Variants in OLFM4 observed in about 807,000 individuals in gnomAD.
The protein encoded by OLFM4 is olfactomedin 4, also known as olfactomedin-4.
A neutral mutation model predicts 25.5 loss-of-function variants in OLFM4; 22 were observed. The ratio of observed to expected loss-of-function variants is 0.86; its 90% CI spans 0.62 to 1.23. The LOEUF is 1.23. Ranked by LOEUF, OLFM4 falls within the 50% of genes most tolerant of loss-of-function variation. The probability of loss-of-function intolerance (pLI) is 0.00; values close to 1 mark genes in which losing one functional copy is unlikely to be tolerated. For missense variants in OLFM4, 594 were observed against 619.4 expected (o/e 0.96, Z 0.44); for synonymous variants, 255 against 237.7 (o/e 1.07, Z -0.67).
chr13:53,046,077 G>A (rs1014494389), intron 4 of OLFM4, among the ~76,000 whole-genome samples: 3 of 152,138 alleles, frequency 2.0e-5, no homozygotes, highest in Admixed American at 6.6e-5. Flanking sequence ...TTAGGGAAGA[G>A]CCACATGTTG....
In OLFM4 at chr13:53,041,988, A is replaced by G. The variant is rs1405858486; in HGVS notation, c.436A>G (p.Lys146Glu). The G allele has an allele frequency of 6.2e-7, 1 of 1,614,002 alleles. No individual in the cohort carries two copies. The highest frequency in any genetic ancestry group is 8.5e-7 in the Non-Finnish European group (1 of 1,179,900). ...NLTVRIDIME[K>E]DTISYTELDF... ...AACTGTCCGAATTGACATCATGGAGAAGGATACCATTTCTTACACTGAACT... is the reference window on the plus strand; with the variant it reads ...AACTGTCCGAATTGACATCATGGAGGAGGATACCATTTCTTACACTGAACT... Residue 146 changes from lysine (K) to glutamate (E), a missense_variant, in exon 3 of 5, where the codon AAG becomes GAG. By Grantham distance (56) the Lys-to-Glu change is moderately conservative (BLOSUM62 1). Coordinates refer to ENST00000219022, the MANE Select transcript of OLFM4 (RefSeq NM_006418.5).
At chr13:53,042,412 G>A (rs1021833300) in intron 3 of OLFM4, among the ~76,000 whole-genome samples, 2 of 152,188 alleles carry the variant, frequency 1.3e-5, no homozygotes, top group Non-Finnish European at 2.9e-5. Context: ...CTGGCATAAA[G>A]TTGAACAACG....
chr13:53,042,697 G>T (rs1216778934), intron 3 of OLFM4, among the ~76,000 whole-genome samples: 2 of 152,078 alleles, frequency 1.3e-5, no homozygotes. Flanking sequence ...TCATGACATG[G>T]GCTATAATTG....
rs376088620 is a variant in OLFM4, at chr13:53,042,137, C to T, written c.570+15C>T. ...TGGAGGTGGAGGTAAGGAGTGAACTCACTTCTTGGTAAATTAATAATAAAC... is the reference window on the plus strand; with the variant it reads ...TGGAGGTGGAGGTAAGGAGTGAACTTACTTCTTGGTAAATTAATAATAAAC... On this transcript the variant is annotated intron_variant, in intron 3 of 4. Coordinates refer to ENST00000219022, the MANE Select transcript of OLFM4 (RefSeq NM_006418.5). 3 of 1,609,024 alleles carry T rather than the reference C, an allele frequency of 1.9e-6. No homozygotes were observed. Among genetic ancestry groups the T allele is most frequent in the Non-Finnish European group, 1.7e-6 (2 of 1,175,954 alleles).
intron 4 of OLFM4, among the ~76,000 whole-genome samples, chr13:53,044,408 A>C (rs1051260979): frequency 1.3e-5 from 2 of 152,108 alleles, no homozygotes; most frequent in Non-Finnish European, 2.9e-5. Context: ...CAATCCTTTT[A>C]TTTTTATGAA....
rs760307301 is a variant in OLFM4, at chr13:53,042,040, T to C, written c.488T>C (p.Val163Ala). The C allele has an allele frequency of 1.9e-6, 3 of 1,614,012 alleles. No individual in the cohort carries two copies. Among genetic ancestry groups the C allele is most frequent in the South Asian group, 2.2e-5 (2 of 91,076 alleles). The change falls in exon 3 of 5, where the codon GTG (valine) becomes GCG (alanine). Residue 163 changes from valine (V) to alanine (A), a missense_variant. Coordinates refer to ENST00000219022, the MANE Select transcript of OLFM4 (RefSeq NM_006418.5). ...ELDFELIKVE[V>A]KEMEKLVIQL... ...GACTTCGAGCTGATCAAGGTAGAAGTGAAGGAGATGGAAAAACTGGTCATA... is the reference window on the plus strand; with the variant it reads ...GACTTCGAGCTGATCAAGGTAGAAGCGAAGGAGATGGAAAAACTGGTCATA...
At chr13:53,049,331 T>C (rs1954732119) in intron 4 of OLFM4, among the ~76,000 whole-genome samples, 1 of 152,164 alleles carries the variant, frequency 6.6e-6, no homozygotes, top group African/African-American at 2.4e-5. Flanking sequence ...TATAGGACCA[T>C]CTTTCTGGAT....
chr13:53,046,658 A>G (rs1033447888), intron 4 of OLFM4, among the ~76,000 whole-genome samples: 4 of 152,242 alleles, frequency 2.6e-5, no homozygotes, highest in Admixed American at 2.6e-4. Flanking sequence ...AGAAACCTCC[A>G]GAAGCCACTA....
At chr13:53,033,238 A>G (rs1954638356) in intron 1 of OLFM4, among the ~76,000 whole-genome samples, 1 of 152,250 alleles carries the variant, frequency 6.6e-6, no homozygotes, top group Non-Finnish European at 1.5e-5. Flanking sequence ...AATATCTTAA[A>G]TGAACATAAA....
Position 53,050,632 on chromosome 13 carries a change from G to T in OLFM4, c.1394G>T (p.Gly465Val). The T allele has an allele frequency of 6.2e-7, 1 of 1,613,960 alleles. No individual in the cohort carries two copies. Among genetic ancestry groups the T allele is most frequent in the Non-Finnish European group, 8.5e-7 (1 of 1,179,966 alleles). ...YYYDTNTGKE[G>V]KLDIVMHKMQ... ...TATGACACAAACACAGGGAAAGAGGGCAAACTAGACATTGTAATGCATAAG... is the reference window on the plus strand; with the variant it reads ...TATGACACAAACACAGGGAAAGAGGTCAAACTAGACATTGTAATGCATAAG... Residue 465 changes from glycine to valine, a missense_variant, in exon 5 of 5, where the codon GGC (glycine) becomes GTC (valine). Coordinates refer to ENST00000219022, the MANE Select transcript of OLFM4 (RefSeq NM_006418.5).
At chr13:53,034,551 A>C in intron 2 of OLFM4, 51 bp downstream of exon 2, 1 of 1,473,716 alleles carries the variant, frequency 6.8e-7, no homozygotes, top group Non-Finnish European at 9.2e-7. Flanking sequence ...ACAAAACAAA[A>C]TGTGTTTTAA....
In OLFM4 at chr13:53,033,347, C is replaced by G. The variant is rs116965341; in HGVS notation, c.205-1001C>G. ...TTCAAGCTCATACGCTATTCACTTT[C>G]TAACAAATGGCTGGTTCCCATTTTG... is the stretch of plus-strand genomic sequence containing the variant. On this transcript the variant is annotated intron_variant, in intron 1 of 4. Coordinates refer to ENST00000219022, the MANE Select transcript of OLFM4 (RefSeq NM_006418.5). Among the ~76,000 whole-genome samples, 998 of 152,320 alleles carry G rather than the reference C, an allele frequency of 6.6e-3. 7 individuals are homozygous for G. Among genetic ancestry groups the G allele is most frequent in the Non-Finnish European group, 0.01 (705 of 68,036 alleles).
At chr13:53,039,349 C>T (rs1954675612) in intron 2 of OLFM4, among the ~76,000 whole-genome samples, 3 of 152,124 alleles carry the variant, frequency 2.0e-5, no homozygotes, top group Admixed American at 2.0e-4. Flanking sequence ...AACCTGGCAG[C>T]CCTATATCTG....
At chr13:53,043,339 G>A in intron 4 of OLFM4, 75 bp downstream of exon 4, 1 of 1,226,940 alleles carries the variant, frequency 8.2e-7, no homozygotes. Context: ...GAAGGGATTG[G>A]GGATTGCAAT....
At chr13:53,036,884 T>C (rs1954661777) in intron 2 of OLFM4, among the ~76,000 whole-genome samples, 1 of 152,220 alleles carries the variant, frequency 6.6e-6, no homozygotes, top group Non-Finnish European at 1.5e-5. Context: ...CTCTCTTGGC[T>C]GGTTAAGCCA....
At chr13:53,033,460 C>T (rs553536752) in intron 1 of OLFM4, among the ~76,000 whole-genome samples, 8 of 152,192 alleles carry the variant, frequency 5.3e-5, no homozygotes, top group African/African-American at 1.4e-4. Flanking sequence ...TTTGGTGATT[C>T]CCTCATTCTG....
chr13:53,031,979 C>T (rs969564013), intron 1 of OLFM4, among the ~76,000 whole-genome samples: 2 of 152,178 alleles, frequency 1.3e-5, no homozygotes, highest in East Asian at 1.9e-4. Flanking sequence ...TCTTTGAATG[C>T]GAGGAGCAGA....
intron 1 of OLFM4, 44 bp downstream of exon 1, chr13:53,029,084 C>A: frequency 6.2e-7 from 1 of 1,607,126 alleles, no homozygotes; most frequent in Non-Finnish European, 8.5e-7. Context: ...TCATTCCCTT[C>A]CATTTGCTTT....
intron 2 of OLFM4, among the ~76,000 whole-genome samples, chr13:53,036,380 T>G (rs1954658507): frequency 6.6e-6 from 1 of 152,222 alleles, no homozygotes; most frequent in South Asian, 2.1e-4. Context: ...GTCATTTGCT[T>G]TGAAATAGTG....
Sources: allele counts gnomAD v4.1 joint callset (sites outside exome capture counted in the v4.1 genomes callset), GRCh38; gene constraint gnomAD v4.1.1; transcripts MANE v1.5; gene names NCBI Gene and HGNC (gene_info 2026-07-23, HGNC 2026-07-21).